SLC44A3: variants seen among roughly 807,000 people sequenced by gnomAD.
The protein encoded by SLC44A3 is solute carrier family 44 member 3, also known as choline transporter-like protein 3.
In SLC44A3, 74 loss-of-function variants were observed where a neutral mutation model predicts 75.4. The observed-to-expected ratio is 0.98, with a 90% confidence interval of 0.81 to 1.19. SLC44A3 has a LOEUF of 1.19. Among genes scored for constraint, SLC44A3 ranks in the 50% most tolerant of loss-of-function variants. The probability of loss-of-function intolerance (pLI) is 0.00; values close to 1 mark genes in which losing one functional copy is unlikely to be tolerated. For missense variants in SLC44A3, 700 were observed against 778.6 expected, an observed-to-expected ratio of 0.90 and a Z score of 1.20; for synonymous variants, 310 against 296.9, an observed-to-expected ratio of 1.04 and a Z score of -0.45.
rs1004766057 is a variant in SLC44A3 at position 94,888,771 on chromosome 1, C to T, written c.1483-2359C>T. 15 of 945,940 alleles carry T rather than the reference C, an allele frequency of 1.6e-5. No homozygotes were observed. In the South Asian group the frequency reaches 4.4e-4, roughly 28 times the overall value. The allele number at this position is 945,940 out of a possible 1,614,324, so 58.6% of individuals were successfully genotyped here. A position where few individuals can be genotyped will look rare whatever the true frequency, so the allele number is the denominator to read the frequency against. On this transcript the variant is annotated intron_variant, in intron 12 of 14. Coordinates refer to ENST00000271227, the MANE Select transcript of SLC44A3 (RefSeq NM_001114106.3). ...TTGAGGCGGAGTCTCGCTCTGTCAC[C>T]CAGGTTGGAGTGCAGTGGTGCGATC...
intron 3 of SLC44A3, among the ~76,000 whole-genome samples, chr1:94,827,030 G>C (rs1661451669): frequency 6.6e-6 from 1 of 152,230 alleles, no homozygotes; most frequent in African/African-American, 2.4e-5. Context: ...CAACCTGGGA[G>C]AAGGGGGAAA....
rs1193928638 is a variant in SLC44A3, at chr1:94,874,188, A to C, written c.1482+6771A>C. On this transcript the variant is annotated intron_variant, in intron 12 of 14. Coordinates refer to ENST00000271227, the MANE Select transcript of SLC44A3 (RefSeq NM_001114106.3). The stretch of plus-strand genomic sequence containing the variant: ...CCTGGCTTTAGATAGAAAGGAATTA[A>C]GACACCTATTTTTCAGAGGCCCCAG... Among the ~76,000 whole-genome samples, 3 of 152,248 alleles carry C rather than the reference A, an allele frequency of 2.0e-5. No homozygotes were observed. The East Asian group carries it at 5.8e-4, about 29-fold the overall frequency.
chr1:94,874,599 G>A (rs1476038309), intron 12 of SLC44A3, among the ~76,000 whole-genome samples: 2 of 152,236 alleles, frequency 1.3e-5, no homozygotes, highest in Non-Finnish European at 2.9e-5. Flanking sequence ...ACTCCTGCGA[G>A]GCAATTGAGT....
intron 7 of SLC44A3, among the ~76,000 whole-genome samples, chr1:94,841,546 T>C (rs1042869260): frequency 6.6e-6 from 1 of 152,222 alleles, no homozygotes; most frequent in East Asian, 1.9e-4. Context: ...CTGACTTCCA[T>C]GATTCCCACA....
chr1:94,857,814 T>A (rs1666087518), intron 10 of SLC44A3, among the ~76,000 whole-genome samples: 1 of 141,838 alleles, frequency 7.1e-6, no homozygotes, highest in African/African-American at 2.6e-5. Context: ...GTAGCCTTTT[T>A]TTTTTTTTTT....
In SLC44A3 at chr1:94,892,485, G is replaced by C; in HGVS notation, c.1825G>C (p.Glu609Gln). 1 of 1,614,204 alleles carries C rather than the reference G, an allele frequency of 6.2e-7. No individual in the cohort carries two copies. The highest frequency in any genetic ancestry group is 8.5e-7 in the Non-Finnish European group (1 of 1,180,034). The change falls in exon 14 of 15, where the codon GAA becomes CAA. Residue 609 changes from glutamate (E) to glutamine (Q), a missense_variant. Glu to Gln is a conservative substitution (Grantham distance 29). Coordinates refer to ENST00000271227, the MANE Select transcript of SLC44A3 (RefSeq NM_001114106.3). ...TCTGGAAACAAATGATGGATCGTCA[G>C]AAAAGCCCTACTTTATGGATCAAGA... ...VDLETNDGSS[E>Q]KPYFMDQEFL...
At chr1:94,891,576 A>T (rs561131721) in intron 13 of SLC44A3, among the ~76,000 whole-genome samples, 1 of 152,248 alleles carries the variant, frequency 6.6e-6, no homozygotes, top group East Asian at 1.9e-4. Flanking sequence ...AAATGCTACT[A>T]ATCTCAGAAA....
At chr1:94,865,349 G>A (rs1667034135) in intron 11 of SLC44A3, among the ~76,000 whole-genome samples, 1 of 152,086 alleles carries the variant, frequency 6.6e-6, no homozygotes, top group Non-Finnish European at 1.5e-5. Flanking sequence ...GTGTTTCCTA[G>A]AGACAGTCAT....
intron 8 of SLC44A3, among the ~76,000 whole-genome samples, chr1:94,842,588 TC>T (rs200592552): frequency 0.016 from 2,476 of 152,374 alleles, 32 homozygotes; most frequent in Non-Finnish European, 0.024. Context: ...CAGTGAACTC[TC>T]TAGCTGAAAA....
intron 4 of SLC44A3, 74 bp downstream of exon 4, chr1:94,827,717 C>A: frequency 6.6e-7 from 1 of 1,523,910 alleles, no homozygotes. Flanking sequence ...AGATCATTTA[C>A]CCTGACTCTG....
intron 2 of SLC44A3, among the ~76,000 whole-genome samples, chr1:94,822,054 G>T (rs1182336762): frequency 1.3e-5 from 2 of 152,164 alleles, no homozygotes; most frequent in Non-Finnish European, 2.9e-5. Flanking sequence ...GCTTAACTTC[G>T]CAGATGGTTG....
chr1:94,835,736 G>C (rs957580564), intron 5 of SLC44A3, among the ~76,000 whole-genome samples: 3 of 152,084 alleles, frequency 2.0e-5, no homozygotes, highest in Non-Finnish European at 4.4e-5. Flanking sequence ...TATTATCTTT[G>C]AGCTCAGCCG....
chr1:94,874,535 T>C (rs1239055283), intron 12 of SLC44A3, among the ~76,000 whole-genome samples: 1 of 152,230 alleles, frequency 6.6e-6, no homozygotes, highest in African/African-American at 2.4e-5. Flanking sequence ...GTTGAATGAA[T>C]TATTGCATGA....
At chr1:94,865,139 C>T (rs1365396737) in intron 11 of SLC44A3, among the ~76,000 whole-genome samples, 8 of 152,012 alleles carry the variant, frequency 5.3e-5, no homozygotes, top group Non-Finnish European at 7.4e-5. Context: ...GTGGAGATGG[C>T]GTGGGGAGGG....
rs80277677 is a variant in SLC44A3 at position 94,839,695 on chromosome 1, T to G, written c.671-253T>G. On this transcript the variant is annotated intron_variant, in intron 6 of 14. Coordinates refer to ENST00000271227, the MANE Select transcript of SLC44A3 (RefSeq NM_001114106.3). ...TGAGGCACCATGCCCGGCCAAATTT[T>G]TTTTATTTTTGAGAAGAATACTAGG... Among the ~76,000 whole-genome samples, 422 of 152,246 alleles carry G rather than the reference T, an allele frequency of 2.8e-3. 1 individual carries two copies. The highest frequency in any genetic ancestry group is 9.7e-3 in the African/African-American group (402 of 41,548).
intron 14 of SLC44A3, among the ~76,000 whole-genome samples, 195 bp downstream of exon 14, chr1:94,892,712 C>G (rs1332487140): frequency 2.6e-5 from 4 of 152,108 alleles, no homozygotes; most frequent in African/African-American, 9.7e-5. Flanking sequence ...TTTCTGAGAA[C>G]CTTCTCCCTG....
chr1:94,832,356 T>C (rs896544235), intron 5 of SLC44A3, among the ~76,000 whole-genome samples: 3 of 147,108 alleles, frequency 2.0e-5, no homozygotes, highest in Admixed American at 6.8e-5. Flanking sequence ...TGTATTAAGT[T>C]AAAAAAAAAA....
At position 94,864,827 on chromosome 1, in the gene SLC44A3, G is replaced by A. The variant is rs1666977214; in HGVS notation, c.1323G>A (p.Gly441=). 1 of 1,613,824 alleles carries A rather than the reference G, an allele frequency of 6.2e-7. No homozygotes were observed. Among genetic ancestry groups the A allele is most frequent in the African/African-American group, 1.3e-5 (1 of 74,896 alleles). The change falls in exon 11 of 15, where the codon GGG becomes GGA. Residue 441 remains glycine (G), a synonymous_variant. Transcript: ENST00000271227. ...ACCATCAAGGAACCGTTGTGAAAGG[G>A]TCATTTTTAATCTCTGTGGTGAGGA... The part of the protein sequence containing the change: ...FFYHQGTVVK[G]SFLISVVRIP...
At chr1:94,854,472 C>T (rs1187469154) in intron 9 of SLC44A3, among the ~76,000 whole-genome samples, 2 of 152,214 alleles carry the variant, frequency 1.3e-5, no homozygotes, top group African/African-American at 2.4e-5. Context: ...CATTAACACC[C>T]ATTAGCTACC....
Sources: allele counts gnomAD v4.1 joint callset (sites outside exome capture counted in the v4.1 genomes callset), GRCh38; gene constraint gnomAD v4.1.1; transcripts MANE v1.5; gene names NCBI Gene and HGNC (gene_info 2026-07-23, HGNC 2026-07-21).